Variants in ASAP2 observed in about 807,000 individuals in gnomAD.
ASAP2 encodes the protein arf-GAP with SH3 domain, ANK repeat and PH domain-containing protein 2.
ASAP2 carries 45 observed loss-of-function variants against 131.4 expected under a neutral mutation model. The ratio of observed to expected loss-of-function variants is 0.34; its 90% confidence interval spans 0.27 to 0.44. ASAP2 has a LOEUF of 0.44. Ranked by LOEUF, ASAP2 falls within the 20% of genes least tolerant of loss-of-function variation. ASAP2 has a pLI of 1.00. For synonymous variants in ASAP2, 510 were observed against 503.0 expected, an observed-to-expected ratio of 1.01 and a Z score of -0.19; for missense variants, 1,011 against 1,297.0, an observed-to-expected ratio of 0.78 and a Z score of 3.39.
chr2:9,224,317 C>G lies in ASAP2; in HGVS notation c.126+17087C>G, dbSNP rs545931802. Among the ~76,000 whole-genome samples, 6 of 152,280 alleles carry G rather than the reference C, an allele frequency of 3.9e-5. No homozygotes were observed. In the East Asian group the frequency reaches 1.2e-3, roughly 29 times the overall value. On this transcript the variant is annotated intron_variant, in intron 1 of 27. Coordinates refer to ENST00000281419, the MANE Select transcript of ASAP2 (RefSeq NM_003887.3). ...CCTGTTTGCAGTTCTTAGTTTTCCT[C>G]TGAAACCCCCACACCAGACTGAGTG... is the stretch of plus-strand genomic sequence containing the variant.
intron 1 of ASAP2, among the ~76,000 whole-genome samples, chr2:9,236,202 G>T (rs1663541708): frequency 6.6e-6 from 1 of 152,106 alleles, no homozygotes; most frequent in Admixed American, 6.5e-5. Flanking sequence ...CCTGCTCTTG[G>T]TGGGCCTGAG....
At chr2:9,283,972 G>A (rs140967236) in intron 2 of ASAP2, among the ~76,000 whole-genome samples, 84 of 152,266 alleles carry the variant, frequency 5.5e-4, no homozygotes, top group African/African-American at 2.0e-3. Flanking sequence ...TATGAATCTG[G>A]GGGAAGGGAC....
intron 2 of ASAP2, among the ~76,000 whole-genome samples, chr2:9,293,707 G>A (rs1479931650): frequency 6.6e-6 from 1 of 152,152 alleles, no homozygotes; most frequent in Non-Finnish European, 1.5e-5. Flanking sequence ...CACCGTGCTA[G>A]GTGTTAGAGG....
chr2:9,244,783 A>T (rs1664221356), intron 1 of ASAP2, among the ~76,000 whole-genome samples: 1 of 152,188 alleles, frequency 6.6e-6, no homozygotes, highest in African/African-American at 2.4e-5. Context: ...TTTAATGTGG[A>T]TTTATTTACA....
chr2:9,376,957 C>A lies in ASAP2; in HGVS notation c.1796C>A (p.Thr599Asn). 6.2e-7 allele frequency: 1 copy of A among 1,614,080 alleles called. No homozygotes were observed. The highest frequency in any genetic ancestry group is 8.5e-7 in the Non-Finnish European group (1 of 1,180,026). Residue 599 changes from threonine (T) to asparagine (N), a missense_variant, in exon 18 of 28, where the codon ACC becomes AAC. By Grantham distance (65) the Thr-to-Asn change is moderately conservative. This residue lies in a region of ASAP2 where 652 missense variants were observed against 698.9 expected (regional missense o/e 0.93). Coordinates refer to ENST00000281419, the MANE Select transcript of ASAP2 (RefSeq NM_003887.3). ...LHLAVRSVDR[T>N]SLHIVDFLVQ... ...CTTGCAGTCAGATCCGTGGATCGAA[C>A]CTCTCTTCACATTGTAGACTTTTTA...
chr2:9,242,317 G>A (rs1420903376), intron 1 of ASAP2, among the ~76,000 whole-genome samples: 1 of 152,216 alleles, frequency 6.6e-6, no homozygotes, highest in Non-Finnish European at 1.5e-5. Context: ...ACCTAGCCTT[G>A]TGCCAGCACA....
At chr2:9,379,468 A>G (rs1173089614) in intron 19 of ASAP2, among the ~76,000 whole-genome samples, 2 of 152,046 alleles carry the variant, frequency 1.3e-5, no homozygotes, top group African/African-American at 4.8e-5. Flanking sequence ...GATGCTGTTT[A>G]CTGCCCTCTC....
At chr2:9,402,670 AC>A in intron 27 of ASAP2, among the ~76,000 whole-genome samples, 1 of 151,360 alleles carries the variant, frequency 6.6e-6, no homozygotes, top group Non-Finnish European at 1.5e-5. Context: ...TAACCACAGC[AC>A]CCCCCACCCA....
In ASAP2 at chr2:9,401,271, C is replaced by T; in HGVS notation, c.2824-3C>T. On this transcript the variant is annotated splice_region_variant and splice_polypyrimidine_tract_variant and intron_variant, in intron 26 of 27. Transcript: ENST00000281419. ...CTAACCGTTGTTCCCTCTCCTGACC[C>T]AGACCAAGTTGAAGCCTAAGCGGGT... 6.2e-7 allele frequency: 1 copy of T among 1,613,452 alleles called. No individual in the cohort carries two copies.
At chr2:9,386,386 TAA>T (rs912647498) in intron 21 of ASAP2, among the ~76,000 whole-genome samples, 1 of 145,352 alleles carries the variant, frequency 6.9e-6, no homozygotes. Flanking sequence ...TAACCTGCCT[TAA>T]AAAAAAAAAG....
At chr2:9,317,302 GC>G (rs1334999492) in intron 3 of ASAP2, among the ~76,000 whole-genome samples, 5 of 131,598 alleles carry the variant, frequency 3.8e-5, no homozygotes, top group East Asian at 2.5e-4. Flanking sequence ...CACAATCACA[GC>G]CCCCCACATC....
intron 10 of ASAP2, 30 bp downstream of exon 10, chr2:9,344,665 A>G: frequency 1.2e-6 from 2 of 1,613,028 alleles, no homozygotes; most frequent in South Asian, 1.1e-5. Context: ...TAGAGTTTAA[A>G]TGTACGTTCG....
At chr2:9,395,811 G>C (rs112601720) in intron 24 of ASAP2, among the ~76,000 whole-genome samples, 17,140 of 151,464 alleles carry the variant, frequency 0.11, 1,079 homozygotes, top group African/African-American at 0.17. Flanking sequence ...GTTTCACCGG[G>C]TTAGCCAGGA....
intron 12 of ASAP2, among the ~76,000 whole-genome samples, chr2:9,352,467 G>A (rs959085001): frequency 6.6e-6 from 1 of 152,202 alleles, no homozygotes; most frequent in African/African-American, 2.4e-5. Flanking sequence ...CCTATCACCT[G>A]GAGGTGGGTG....
At chr2:9,365,617 C>T (rs1233999076) in intron 15 of ASAP2, among the ~76,000 whole-genome samples, 8 of 152,132 alleles carry the variant, frequency 5.3e-5, no homozygotes, top group Admixed American at 2.6e-4. Flanking sequence ...TGGGTGTGGC[C>T]ATCAGGGAGG....
intron 1 of ASAP2, among the ~76,000 whole-genome samples, chr2:9,278,438 A>C (rs11680620): frequency 6.6e-6 from 1 of 151,400 alleles, no homozygotes; most frequent in Non-Finnish European, 1.5e-5. Context: ...GCTTGAACCC[A>C]GGAGGCAGAG....
At chr2:9,226,733 A>T (rs1427504778) in intron 1 of ASAP2, among the ~76,000 whole-genome samples, 2 of 152,202 alleles carry the variant, frequency 1.3e-5, no homozygotes, top group Non-Finnish European at 2.9e-5. Flanking sequence ...TGGAAAAACA[A>T]AGAACACGCC....
chr2:9,363,898 G>A (rs1009948396), intron 15 of ASAP2, among the ~76,000 whole-genome samples: 1 of 152,186 alleles, frequency 6.6e-6, no homozygotes, highest in Non-Finnish European at 1.5e-5. Context: ...CAATGGAATG[G>A]AAGTTGCATA....
chr2:9,288,024 A>C (rs1667576716), intron 2 of ASAP2, among the ~76,000 whole-genome samples: 1 of 152,196 alleles, frequency 6.6e-6, no homozygotes, highest in African/African-American at 2.4e-5. Flanking sequence ...CATCTGTAAG[A>C]CATGGGGCTG....
Sources: allele counts gnomAD v4.1 joint callset (sites outside exome capture counted in the v4.1 genomes callset), GRCh38; gene constraint gnomAD v4.1.1; regional missense constraint gnomAD v4.1.1; transcripts MANE v1.5; gene names NCBI Gene and HGNC (gene_info 2026-07-23, HGNC 2026-07-21).